IKZF1: variants seen among roughly 807,000 people sequenced by gnomAD.
IKZF1 encodes DNA-binding protein Ikaros.
Under a neutral mutation model 51.7 loss-of-function variants are expected in IKZF1, and 10 were observed. The ratio of observed to expected loss-of-function variants is 0.19; its 90% CI spans 0.12 to 0.33. The LOEUF (loss-of-function observed/expected upper bound fraction) is 0.33, where lower values mean the gene tolerates loss of function less well. Ranked by LOEUF, IKZF1 falls within the 10% of genes least tolerant of loss-of-function variation. IKZF1 has a pLI of 1.00. For missense variants in IKZF1, 484 were observed against 707.5 expected (o/e 0.68, Z 3.58); for synonymous variants, 280 against 282.3 (o/e 0.99, Z 0.08).
At chr7:50,385,489 G>A (rs1263544623) in intron 5 of IKZF1, among the ~76,000 whole-genome samples, 1 of 152,118 alleles carries the variant, frequency 6.6e-6, no homozygotes, top group South Asian at 2.1e-4. Context: ...GGGAGCTGGA[G>A]GGGTGGAGAA....
intron 5 of IKZF1, among the ~76,000 whole-genome samples, chr7:50,384,448 C>A (rs1240365140): frequency 6.6e-6 from 1 of 152,236 alleles, no homozygotes; most frequent in African/African-American, 2.4e-5. Flanking sequence ...AGGAGCTATA[C>A]CAAGCTGAGG....
chr7:50,375,676 G>A (rs906644355), intron 3 of IKZF1, among the ~76,000 whole-genome samples: 4 of 150,476 alleles, frequency 2.7e-5, no homozygotes, highest in Non-Finnish European at 5.9e-5. Context: ...AGTGGTCATT[G>A]TATTCAAGAC....
intron 6 of IKZF1, among the ~76,000 whole-genome samples, 167 bp from the exon 7 acceptor site, chr7:50,391,562 C>T (rs528790579): frequency 1.2e-4 from 19 of 152,260 alleles, no homozygotes; most frequent in Admixed American, 8.5e-4. Flanking sequence ...TGGCATTGCT[C>T]CGGCTGCCTC....
intron 3 of IKZF1, among the ~76,000 whole-genome samples, chr7:50,362,878 C>T (rs926227423): frequency 2.6e-5 from 4 of 152,156 alleles, no homozygotes; most frequent in African/African-American, 9.7e-5. Flanking sequence ...AGCAAACAAA[C>T]TCACATGCCA....
chr7:50,389,510 G>A (rs991106703), intron 6 of IKZF1, among the ~76,000 whole-genome samples: 8 of 152,306 alleles, frequency 5.3e-5, no homozygotes, highest in Middle Eastern at 6.8e-3. Flanking sequence ...GTATGAAAGC[G>A]TCTCTAGGAA....
At chr7:50,392,345 G>C (rs917478771) in intron 7 of IKZF1, among the ~76,000 whole-genome samples, 9 of 152,120 alleles carry the variant, frequency 5.9e-5, no homozygotes, top group Non-Finnish European at 1.3e-4. Flanking sequence ...AGTGAAGACA[G>C]GGCTTAGCTA....
intron 3 of IKZF1, among the ~76,000 whole-genome samples, chr7:50,341,432 C>T (rs1191511613): frequency 3.9e-5 from 6 of 152,242 alleles, no homozygotes; most frequent in South Asian, 2.1e-4. Context: ...TGTGAGGCAC[C>T]GTATCCAGGC....
intron 2 of IKZF1, among the ~76,000 whole-genome samples, chr7:50,322,553 A>G (rs773665158): frequency 6.6e-6 from 1 of 152,240 alleles, no homozygotes; most frequent in Non-Finnish European, 1.5e-5. Context: ...TGCTACTGAT[A>G]GACTTGGAGG....
At chr7:50,316,227 G>T (rs979101412) in intron 1 of IKZF1, among the ~76,000 whole-genome samples, 2 of 152,112 alleles carry the variant, frequency 1.3e-5, no homozygotes, top group African/African-American at 2.4e-5. Flanking sequence ...AAAACTTGAG[G>T]CCTCTTGTTC....
Position 50,339,263 on chromosome 7 carries a change from G to C in IKZF1, c.160+11506G>C, listed in dbSNP as rs925598147. Among the ~76,000 whole-genome samples the C allele has an allele frequency of 9.3e-5, 13 of 139,854 alleles. No homozygotes were observed. In the East Asian group the frequency reaches 1.7e-3, roughly 18 times the overall value. The allele number at this position is 139,854 out of a possible 152,430, so 91.7% of individuals were successfully genotyped here. A position where few individuals can be genotyped will look rare whatever the true frequency, so the allele number is the denominator to read the frequency against. On this transcript the variant is annotated intron_variant, in intron 3 of 7. Transcript: ENST00000331340. ...TGTGTGTGTGTGTGTGTGTGTTGTG[G>C]AGGAGGAGCTGGGAAAGGGTGAATC... is the stretch of plus-strand genomic sequence containing the variant.
intron 7 of IKZF1, 112 bp downstream of exon 7, chr7:50,391,975 AG>A (rs1343752389): frequency 2.1e-6 from 3 of 1,401,760 alleles, no homozygotes; most frequent in Admixed American, 5.6e-5. Context: ...TTTTTTCAAA[AG>A]GAAAAATTGG....
intron 3 of IKZF1, among the ~76,000 whole-genome samples, chr7:50,345,773 C>T (rs908088476): frequency 6.6e-6 from 1 of 152,210 alleles, no homozygotes; most frequent in Non-Finnish European, 1.5e-5. Context: ...GTTTGTGGCT[C>T]ACGCCTGTAA....
chr7:50,311,848 T>C (rs1469149767), intron 1 of IKZF1, among the ~76,000 whole-genome samples: 1 of 152,200 alleles, frequency 6.6e-6, no homozygotes, highest in Non-Finnish European at 1.5e-5. Flanking sequence ...CTTACTGTTA[T>C]AAGTTTGTGT....
At chr7:50,388,954 G>A (rs1814204380) in intron 6 of IKZF1, among the ~76,000 whole-genome samples, 1 of 152,162 alleles carries the variant, frequency 6.6e-6, no homozygotes, top group African/African-American at 2.4e-5. Flanking sequence ...ATTGAATACA[G>A]TAATCTAATA....
At chr7:50,343,941 A>G (rs2153420812) in intron 3 of IKZF1, among the ~76,000 whole-genome samples, 2 of 152,334 alleles carry the variant, frequency 1.3e-5, no homozygotes, top group East Asian at 1.9e-4. Flanking sequence ...AACCTGAGGA[A>G]TGCTGTTTTT....
chr7:50,317,945 G>C (rs1320725463), intron 1 of IKZF1, among the ~76,000 whole-genome samples: 1 of 152,182 alleles, frequency 6.6e-6, no homozygotes, highest in Non-Finnish European at 1.5e-5. Flanking sequence ...AAATAAAAAG[G>C]GGGACAGGGG....
chr7:50,365,209 G>A (rs927518023), intron 3 of IKZF1, among the ~76,000 whole-genome samples: 1 of 152,164 alleles, frequency 6.6e-6, no homozygotes, highest in Non-Finnish European at 1.5e-5. Context: ...CACATTTGCT[G>A]TTGTACATAA....
At chr7:50,330,041 T>C (rs1796095401) in intron 3 of IKZF1, among the ~76,000 whole-genome samples, 1 of 152,172 alleles carries the variant, frequency 6.6e-6, no homozygotes, top group African/African-American at 2.4e-5. Context: ...TCACCCAGTA[T>C]CTGGTTGGCA....
chr7:50,353,846 TTC>T (rs1341395008), intron 3 of IKZF1, among the ~76,000 whole-genome samples: 1 of 152,180 alleles, frequency 6.6e-6, no homozygotes, highest in Admixed American at 6.5e-5. Context: ...TGTGCCTGTT[TTC>T]TGCAGGAAGT....
Sources: gnomAD v4.1 joint callset for allele counts (sites outside exome capture counted in the v4.1 genomes callset) on GRCh38, gnomAD v4.1.1 for gene constraint, MANE v1.5 for transcripts, NCBI Gene and HGNC (gene_info 2026-07-23, HGNC 2026-07-21) for gene names.